SLC28A1: variants seen among roughly 807,000 people sequenced by gnomAD.
SLC28A1 encodes the protein solute carrier family 28 member 1.
Under a neutral mutation model 74.8 loss-of-function variants are expected in SLC28A1, and 64 were observed. The ratio of observed to expected loss-of-function variants is 0.86; its 90% CI spans 0.70 to 1.05. The LOEUF is 1.05. Among genes scored for constraint, SLC28A1 ranks in the 50% least tolerant of loss-of-function variants. The pLI is 0.00. For missense variants in SLC28A1, 828 were observed against 822.8 expected (o/e 1.01, Z -0.08); for synonymous variants, 359 against 335.0 (o/e 1.07, Z -0.78).
chr15:84,931,622 A>G (rs960696987), intron 12 of SLC28A1, among the ~76,000 whole-genome samples: 5 of 124,030 alleles, frequency 4.0e-5, no homozygotes, highest in Admixed American at 2.1e-4. Flanking sequence ...ACTACACTCC[A>G]GACTGGGCGA....
chr15:84,946,112 A>ATATTTT (rs57190791), downstream of SLC28A1, among the ~76,000 whole-genome samples: 15 of 13,472 alleles, frequency 1.1e-3, 3 homozygotes, highest in East Asian at 5.2e-3. Flanking sequence ...ATATATATAT[A>ATATTTT]TTTTTTTTTT....
intron 2 of SLC28A1, 87 bp downstream of exon 2, chr15:84,886,874 T>C: frequency 3.4e-6 from 2 of 595,200 alleles, no homozygotes; most frequent in Non-Finnish European, 4.2e-6. Context: ...CCTGTGTGTG[T>C]GCACGCACAT....
At chr15:84,885,388 C>G (rs752192880) in intron 1 of SLC28A1, among the ~76,000 whole-genome samples, 2 of 151,696 alleles carry the variant, frequency 1.3e-5, no homozygotes, top group Non-Finnish European at 2.9e-5. Flanking sequence ...ACTGTGTGAT[C>G]CCCTATTGGA....
rs200226453 is a variant in SLC28A1 at position 84,908,806 on chromosome 15, C to G, written c.795+11C>G. On this transcript the variant is annotated intron_variant, in intron 9 of 18. Transcript: ENST00000394573. ...GTCTTTGCCTTTCAGGTCAGCTTGA[C>G]TCAGGGTCCCAGAGGCCTTTAGCAG... 4.3e-6 allele frequency: 7 copies of G among 1,611,904 alleles called. No individual in the cohort carries two copies. In the East Asian group the frequency reaches 1.6e-4, roughly 36 times the overall value.
At chr15:84,973,844 A>T in the SLC28A1 span, among the ~76,000 whole-genome samples, 48 of 152,210 alleles carry the variant, frequency 3.2e-4, no homozygotes, top group East Asian at 7.9e-3. Flanking sequence ...TTCATCTGCG[A>T]CCCTGGGTGT....
rs1420771565 is a variant in SLC28A1, at chr15:84,888,659, C to T, written c.97-113C>T. 6 of 732,468 alleles carry T rather than the reference C, an allele frequency of 8.2e-6. No individual in the cohort carries two copies. In the East Asian group the frequency reaches 1.6e-4, roughly 20 times the overall value. The allele number at this position is 732,468 out of a possible 1,614,324, so 45.4% of individuals were successfully genotyped here. A position where few individuals can be genotyped will look rare whatever the true frequency, so the allele number is the denominator to read the frequency against. ...TAGCCTTCTAATTCCTCCCTGTGCC[C>T]CAGCCCAGTCCCCTCCTCAGCCAGG... is the stretch of plus-strand genomic sequence containing the variant. On this transcript the variant is annotated intron_variant, in intron 3 of 18. Coordinates refer to ENST00000394573, the MANE Select transcript of SLC28A1 (RefSeq NM_004213.5).
chr15:84,889,353 G>A (rs532758353), intron 4 of SLC28A1, among the ~76,000 whole-genome samples: 1 of 152,178 alleles, frequency 6.6e-6, no homozygotes, highest in African/African-American at 2.4e-5. Context: ...GGCCATCTGG[G>A]TCCTTGTTGG....
intron 6 of SLC28A1, among the ~76,000 whole-genome samples, chr15:84,897,139 G>A (rs192586452): frequency 6.6e-6 from 1 of 152,052 alleles, no homozygotes; most frequent in African/African-American, 2.4e-5. Context: ...CACTTTGGGA[G>A]GCTGAGGTGG....
chr15:84,905,552 C>G lies in SLC28A1; in HGVS notation c.617C>G (p.Ala206Gly), dbSNP rs775174572. ...SKHHCAVSWR[A>G]VSWGLGLQFV... ...GTGGGGTGGTAGGTGTCCTGGAGGG[C>G]CGTGTCTTGGGGACTTGGACTGCAG... is the stretch of plus-strand genomic sequence containing the variant. Residue 206 changes from alanine (A) to glycine (G), a missense_variant, in exon 8 of 19, where the codon GCC becomes GGC. Transcript: ENST00000394573. 2.5e-6 allele frequency: 4 copies of G among 1,612,532 alleles called. No individual in the cohort carries two copies. Among genetic ancestry groups the G allele is most frequent in the Non-Finnish European group, 3.4e-6 (4 of 1,178,540 alleles).
chr15:84,911,423 G>A (rs4980339), intron 9 of SLC28A1, among the ~76,000 whole-genome samples: 52,287 of 151,892 alleles, frequency 0.34, 9,167 homozygotes, highest in East Asian at 0.46. Flanking sequence ...ACAGTGAGTT[G>A]GCGCAGAGCC....
the SLC28A1 span, among the ~76,000 whole-genome samples, chr15:84,973,664 C>T: frequency 2.0e-5 from 3 of 152,212 alleles, no homozygotes. Context: ...ACACTCAGAG[C>T]TTCCTGTACA....
chr15:84,924,038 A>G lies in SLC28A1; in HGVS notation c.1011A>G (p.Glu337=). 1 of 1,613,986 alleles carries G rather than the reference A, an allele frequency of 6.2e-7. No homozygotes were observed. The highest frequency in any genetic ancestry group is 8.5e-7 in the Non-Finnish European group (1 of 1,180,002). Residue 337 remains glutamate (E), a synonymous_variant, in exon 12 of 19, where the codon GAA becomes GAG. Transcript: ENST00000394573. ...RPYLADMTLS[E]VHVVMTGGYA... ...ACTTGGCAGACATGACACTCTCTGA[A>G]GTCCACGTTGTCATGACCGGAGGTT...
the SLC28A1 span, chr15:84,961,639 C>A: frequency 2.7e-6 from 1 of 371,606 alleles, no homozygotes; most frequent in South Asian, 2.0e-5. Context: ...CTTTGCCTGG[C>A]TGAGAGATAA....
intron 5 of SLC28A1, among the ~76,000 whole-genome samples, chr15:84,894,569 G>C (rs979037385): frequency 7.9e-5 from 12 of 152,196 alleles, no homozygotes; most frequent in African/African-American, 2.2e-4. Flanking sequence ...TCACGGAGTA[G>C]CTGATGGGCT....
intron 4 of SLC28A1, 62 bp downstream of exon 4, chr15:84,888,922 G>T: frequency 8.3e-7 from 1 of 1,199,608 alleles, no homozygotes; most frequent in South Asian, 1.3e-5. Flanking sequence ...GAACAGGATG[G>T]GGAGCCGGGC....
chr15:84,957,736 G>A, the SLC28A1 span, among the ~76,000 whole-genome samples: 15 of 152,172 alleles, frequency 9.9e-5, no homozygotes, highest in African/African-American at 3.6e-4. Flanking sequence ...GGAAGGTTTG[G>A]AATCAGGAAG....
intron 12 of SLC28A1, among the ~76,000 whole-genome samples, chr15:84,931,450 T>A (rs1373510594): frequency 7.0e-6 from 1 of 142,310 alleles, no homozygotes; most frequent in Non-Finnish European, 1.5e-5. Flanking sequence ...ATTGAGACCA[T>A]CCTGGCTAAC....
chr15:84,947,135 TC>T (rs1174540229), downstream of SLC28A1, among the ~76,000 whole-genome samples: 2 of 152,200 alleles, frequency 1.3e-5, no homozygotes, highest in Non-Finnish European at 1.5e-5. Flanking sequence ...CTGACCTGGG[TC>T]CCCATCCTCA....
At chr15:84,964,218 G>T in the SLC28A1 span, among the ~76,000 whole-genome samples, 1 of 150,042 alleles carries the variant, frequency 6.7e-6, no homozygotes, top group Non-Finnish European at 1.5e-5. Flanking sequence ...TATCTTTAGG[G>T]CTTGATGTCT....
Sources: allele counts gnomAD v4.1 joint callset (sites outside exome capture counted in the v4.1 genomes callset), GRCh38; gene constraint gnomAD v4.1.1; transcripts MANE v1.5; gene names NCBI Gene and HGNC (gene_info 2026-07-23, HGNC 2026-07-21).